Variants in ZNF471 observed in about 807,000 individuals in gnomAD.
ZNF471 encodes EZFIT-related protein 1.
Under a neutral mutation model 13.7 loss-of-function variants are expected in ZNF471, and 7 were observed. That is an observed-to-expected ratio of 0.51 (90% CI 0.29 to 0.96). ZNF471 has a LOEUF of 0.96. ZNF471 is among the 40% of genes least tolerant of loss of function. The probability of loss-of-function intolerance (pLI) is 0.08; values close to 1 mark genes in which losing one functional copy is unlikely to be tolerated. For synonymous variants in ZNF471, 218 were observed against 235.6 expected (o/e 0.93, Z 0.68); for missense variants, 663 against 743.3 (o/e 0.89, Z 1.26).
chr19:56,525,595 A>C lies in ZNF471; in HGVS notation c.1528A>C (p.Thr510Pro). ...SQLATHQRIHTGEKPYECIEC... is the reference protein window; with the variant it reads ...SQLATHQRIHPGEKPYECIEC... ...GCTGGCTACTCATCAGAGAATTCATACTGGAGAGAAGCCTTATGAATGTAT... is the reference window on the plus strand; with the variant it reads ...GCTGGCTACTCATCAGAGAATTCATCCTGGAGAGAAGCCTTATGAATGTAT... The change falls in exon 5 of 5, where the codon ACT becomes CCT. Residue 510 changes from threonine (T) to proline (P), a missense_variant. Physicochemically the swap from Thr to Pro is conservative, Grantham distance 38. Transcript: ENST00000308031. The C allele has an allele frequency of 6.2e-7, 1 of 1,614,044 alleles. No individual in the cohort carries two copies.
chr19:56,524,225 T>G lies in ZNF471; in HGVS notation c.257-99T>G. ...ACATGCCTGTACATAACAGGTTTTGTGAGATTTATTAAATATTTTTAAATT... is the reference window on the plus strand; with the variant it reads ...ACATGCCTGTACATAACAGGTTTTGGGAGATTTATTAAATATTTTTAAATT... On this transcript the variant is annotated intron_variant, in intron 4 of 4. Transcript: ENST00000308031. This position sits in a 1 kb window ranked among gnomAD's most constrained non-coding sequence, Gnocchi z 4.8. 2.2e-6 allele frequency: 2 copies of G among 893,630 alleles called. No individual in the cohort carries two copies. The highest frequency in any genetic ancestry group is 3.3e-6 in the Non-Finnish European group (2 of 608,228). The allele number at this position is 893,630 out of a possible 1,614,324, so 55.4% of individuals were successfully genotyped here.
chr19:56,525,106 G>A lies in ZNF471; in HGVS notation c.1039G>A (p.Glu347Lys), dbSNP rs762186663. The change falls in exon 5 of 5, where the codon GAA (glutamate) becomes AAA (lysine). Residue 347 changes from glutamate to lysine, a missense_variant. Coordinates refer to ENST00000308031, the MANE Select transcript of ZNF471 (RefSeq NM_020813.4). The part of the protein sequence containing the change: ...QRCHTGKRPY[E>K]CIECGKAFRY... ...ATGTCACACTGGCAAAAGACCCTAT[G>A]AATGTATTGAGTGTGGGAAGGCTTT... The A allele has an allele frequency of 3.8e-5, 61 of 1,614,112 alleles. 1 individual carries two copies. The highest frequency in any genetic ancestry group is 3.2e-4 in the Admixed American group (19 of 60,022).
At position 56,516,172 on chromosome 19, in the gene ZNF471, T is replaced by G; in HGVS notation, c.34-103T>G. ...GATCTTCCTATTTATGTTTTTTCTC[T>G]TCTATGAGTTATTTCTCACCTAAAG... is the stretch of plus-strand genomic sequence containing the variant. On this transcript the variant is annotated intron_variant, in intron 2 of 4. Transcript: ENST00000308031. The surrounding 1 kb of genome is among the most constrained non-coding windows in gnomAD (Gnocchi z 4.4). 1 of 1,209,966 alleles carries G rather than the reference T, an allele frequency of 8.3e-7. No individual in the cohort carries two copies. The highest frequency in any genetic ancestry group is 1.2e-6 in the Non-Finnish European group (1 of 851,774). 75.0% of individuals were successfully genotyped at this position (1,209,966 alleles called of 1,614,324 possible). A position where few individuals can be genotyped will look rare whatever the true frequency, so the allele number is the denominator to read the frequency against.
In ZNF471 at chr19:56,508,285, A is replaced by G. The variant is rs973128979; in HGVS notation, c.-56+365A>G. 2.1e-4 allele frequency: 154 copies of G among 722,126 alleles called. No individual in the cohort carries two copies. Among genetic ancestry groups the G allele is most frequent in the Admixed American group, 9.0e-4 (14 of 15,604 alleles). The allele number at this position is 722,126 out of a possible 1,614,324, so 44.7% of individuals were successfully genotyped here. On this transcript the variant is annotated intron_variant, in intron 1 of 4. Transcript: ENST00000308031. The surrounding 1 kb of genome is among the most constrained non-coding windows in gnomAD (Gnocchi z 4.7). Reference sequence around the variant, plus strand: ...CGAGAGTCCAGTGTGAGACCAGGGTATGTTCGTGTGTGACAGAGCGAGACG... The same window carrying G: ...CGAGAGTCCAGTGTGAGACCAGGGTGTGTTCGTGTGTGACAGAGCGAGACG...
chr19:56,508,118 C>CGGGGCGGCTT lies in ZNF471; in HGVS notation c.-56+207_-56+216dup, dbSNP rs1308125085. Reference sequence around the variant, plus strand: ...CCGCGGCTCGGGGCTGCTGGGCGTTCGGGGCGGCTTGGGGCGGCGGGACCA... The same window carrying CGGGGCGGCTT: ...CCGCGGCTCGGGGCTGCTGGGCGTTCGGGGCGGCTTGGGGCGGCTTGGGGCGGCGGGACCA... On this transcript the variant is annotated intron_variant, in intron 1 of 4. Coordinates refer to ENST00000308031, the MANE Select transcript of ZNF471 (RefSeq NM_020813.4). The surrounding 1 kb of genome is among the most constrained non-coding windows in gnomAD (Gnocchi z 4.7). 1.1e-5 allele frequency: 11 copies of CGGGGCGGCTT among 985,198 alleles called. No individual in the cohort carries two copies. Among genetic ancestry groups the CGGGGCGGCTT allele is most frequent in the East Asian group, 1.1e-4 (1 of 8,814 alleles). 61.0% of individuals were successfully genotyped at this position (985,198 alleles called of 1,614,324 possible). A position where few individuals can be genotyped will look rare whatever the true frequency, so the allele number is the denominator to read the frequency against.
At chr19:56,511,088 T>TTA in intron 1 of ZNF471, 1 of 951,096 alleles carries the variant, frequency 1.1e-6, no homozygotes, top group Non-Finnish European at 1.2e-6. Flanking sequence ...ATTTTCCTTT[T>TTA]TCTTTTGTTT....
intron 2 of ZNF471, among the ~76,000 whole-genome samples, chr19:56,514,453 C>T (rs1404653167): frequency 6.6e-6 from 1 of 152,086 alleles, no homozygotes; most frequent in African/African-American, 2.4e-5. Flanking sequence ...ATTTAATAGT[C>T]ATATTTCCTA....
Position 56,525,856 on chromosome 19 carries a change from A to C in ZNF471, c.1789A>C (p.Arg597=). The C allele has an allele frequency of 6.2e-7, 1 of 1,608,724 alleles. No homozygotes were observed. The highest frequency in any genetic ancestry group is 8.5e-7 in the Non-Finnish European group (1 of 1,178,602). ...AQHQRLHTGQ[R]PYQCFECGKA... ...GCATCAAAGACTCCACACTGGCCAA[A>C]GGCCCTATCAGTGTTTTGAATGTGG... Residue 597 remains arginine, a synonymous_variant, in exon 5 of 5, where the codon AGG becomes CGG. Coordinates refer to ENST00000308031, the MANE Select transcript of ZNF471 (RefSeq NM_020813.4).
In ZNF471 at chr19:56,516,495, G is replaced by A; in HGVS notation, c.160+94G>A. Reference sequence around the variant, plus strand: ...GCTTTTATTATATGTAGGTCAGAATGGAATTTGGGAATGGAATCTGAGAAA... The same window carrying A: ...GCTTTTATTATATGTAGGTCAGAATAGAATTTGGGAATGGAATCTGAGAAA... On this transcript the variant is annotated intron_variant, in intron 3 of 4. Transcript: ENST00000308031. The surrounding 1 kb of genome is among the most constrained non-coding windows in gnomAD (Gnocchi z 4.4). The A allele has an allele frequency of 3.5e-6, 4 of 1,140,416 alleles. No individual in the cohort carries two copies. Among genetic ancestry groups the A allele is most frequent in the East Asian group, 2.6e-5 (1 of 37,960 alleles). 70.6% of individuals were successfully genotyped at this position (1,140,416 alleles called of 1,614,324 possible). A position where few individuals can be genotyped will look rare whatever the true frequency, so the allele number is the denominator to read the frequency against.
Position 56,524,594 on chromosome 19 carries a change from G to T in ZNF471, c.527G>T (p.Ser176Ile). The T allele has an allele frequency of 6.3e-7, 1 of 1,590,264 alleles. No homozygotes were observed. The highest frequency in any genetic ancestry group is 2.2e-5 in the East Asian group (1 of 44,510). Residue 176 changes from serine (S) to isoleucine (I), a missense_variant, in exon 5 of 5, where the codon AGT (serine) becomes ATT (isoleucine). Transcript: ENST00000308031. The surrounding 1 kb of genome is among the most constrained non-coding windows in gnomAD (Gnocchi z 4.8). ...ATCCATCTGGAAAACATAGAAGAGAGTATTTATAATCACACATCAGATAAA... is the reference window on the plus strand; with the variant it reads ...ATCCATCTGGAAAACATAGAAGAGATTATTTATAATCACACATCAGATAAA... ...KCIHLENIEE[S>I]IYNHTSDKKS... is the part of the protein sequence containing the mutation.
Position 56,522,820 on chromosome 19 carries a change from T to A in ZNF471, c.257-1504T>A, listed in dbSNP as rs987929002. ...GGCACAGTCTTGGCTCACTGCAACCTATGCCTCCTGGGTTCAAGCAATTTT... is the reference window on the plus strand; with the variant it reads ...GGCACAGTCTTGGCTCACTGCAACCAATGCCTCCTGGGTTCAAGCAATTTT... On this transcript the variant is annotated intron_variant, in intron 4 of 4. Transcript: ENST00000308031. The surrounding 1 kb of genome is among the most constrained non-coding windows in gnomAD (Gnocchi z 4.1). Among the ~76,000 whole-genome samples, 9 of 151,926 alleles carry A rather than the reference T, an allele frequency of 5.9e-5. No homozygotes were observed. The highest frequency in any genetic ancestry group is 1.9e-4 in the African/African-American group (8 of 41,378).
chr19:56,510,565 AGGCAAT>A lies in ZNF471; in HGVS notation c.-55-949_-55-944del. 1.0e-6 allele frequency: 1 copy of A among 985,714 alleles called. No homozygotes were observed. 61.1% of individuals were successfully genotyped at this position (985,714 alleles called of 1,614,324 possible). On this transcript the variant is annotated intron_variant, in intron 1 of 4. Coordinates refer to ENST00000308031, the MANE Select transcript of ZNF471 (RefSeq NM_020813.4). The surrounding 1 kb of genome is among the most constrained non-coding windows in gnomAD (Gnocchi z 4.3). ...CACGTGTGCTTATATTCATGTCCTC[AGGCAAT>A]GGAAATGTGACTGTGTATATGTGCT...
chr19:56,522,946 G>C lies in ZNF471; in HGVS notation c.257-1378G>C, dbSNP rs1288862707. On this transcript the variant is annotated intron_variant, in intron 4 of 4. Transcript: ENST00000308031. The surrounding 1 kb of genome is among the most constrained non-coding windows in gnomAD (Gnocchi z 4.1). The stretch of plus-strand genomic sequence containing the variant: ...AGACAGGGTTACACCACATTGGCCA[G>C]GCTGGTCTCTAACTTCTGACCTCAG... Among the ~76,000 whole-genome samples, 3 of 152,062 alleles carry C rather than the reference G, an allele frequency of 2.0e-5. No individual in the cohort carries two copies. The highest frequency in any genetic ancestry group is 2.9e-5 in the Non-Finnish European group (2 of 67,990).
intron 2 of ZNF471, among the ~76,000 whole-genome samples, chr19:56,515,945 G>T (rs1356488979): frequency 6.6e-6 from 1 of 152,096 alleles, no homozygotes; most frequent in Non-Finnish European, 1.5e-5. Flanking sequence ...AATAAAACTT[G>T]GATCCCATGG....
In ZNF471 at chr19:56,524,625, C is replaced by T; in HGVS notation, c.558C>T (p.Ser186=). Residue 186 remains serine, a synonymous_variant, in exon 5 of 5, where the codon AGC becomes AGT. Coordinates refer to ENST00000308031, the MANE Select transcript of ZNF471 (RefSeq NM_020813.4). This position sits in a 1 kb window ranked among gnomAD's most constrained non-coding sequence, Gnocchi z 4.8. Reference sequence around the variant, plus strand: ...ATAATCACACATCAGATAAAAAAAGCTTCTCCAAAAATTCTATGGTAATAA... The same window carrying T: ...ATAATCACACATCAGATAAAAAAAGTTTCTCCAAAAATTCTATGGTAATAA... The part of the protein sequence containing the change: ...SIYNHTSDKK[S]FSKNSMVIKH... 6.3e-7 allele frequency: 1 copy of T among 1,586,626 alleles called. No individual in the cohort carries two copies. Among genetic ancestry groups the T allele is most frequent in the Non-Finnish European group, 8.5e-7 (1 of 1,173,086 alleles).
At chr19:56,509,862 T>G (rs1040258901) in intron 1 of ZNF471, 1 of 985,072 alleles carries the variant, frequency 1.0e-6, no homozygotes, top group African/African-American at 1.8e-5. Context: ...AGGGACTGGA[T>G]TGTGAGAATC....
rs1464923702 is a variant in ZNF471 at position 56,524,425 on chromosome 19, A to T, written c.358A>T (p.Thr120Ser). The T allele has an allele frequency of 6.2e-7, 1 of 1,613,862 alleles. No individual in the cohort carries two copies. Among genetic ancestry groups the T allele is most frequent in the Non-Finnish European group, 8.5e-7 (1 of 1,179,952 alleles). ...TACTAGCTATGGACTTGAGTGTTCC[A>T]CTTTTGAAGAAAATTGGAAATGGGA... ...GITSYGLECS[T>S]FEENWKWEDL... Residue 120 changes from threonine to serine, a missense_variant, in exon 5 of 5, where the codon ACT (threonine) becomes TCT (serine). Physicochemically the swap from Thr to Ser is moderately conservative, Grantham distance 58 (BLOSUM62 1). Coordinates refer to ENST00000308031, the MANE Select transcript of ZNF471 (RefSeq NM_020813.4). This position sits in a 1 kb window ranked among gnomAD's most constrained non-coding sequence, Gnocchi z 4.8.
chr19:56,511,721 TTC>T (rs1428231389), intron 2 of ZNF471, 117 bp downstream of exon 2: 3 of 803,316 alleles, frequency 3.7e-6, no homozygotes, highest in Non-Finnish European at 6.3e-6. Flanking sequence ...TAGTTCCCAC[TTC>T]TCTCAGGGGC....
Position 56,518,288 on chromosome 19 carries a change from A to G in ZNF471, c.161-194A>G, listed in dbSNP as rs1484633761. Among the ~76,000 whole-genome samples, 9 of 152,200 alleles carry G rather than the reference A, an allele frequency of 5.9e-5. No homozygotes were observed. The South Asian group carries it at 1.5e-3, about 25-fold the overall frequency. On this transcript the variant is annotated intron_variant, in intron 3 of 4. Coordinates refer to ENST00000308031, the MANE Select transcript of ZNF471 (RefSeq NM_020813.4). ...AAATTTCTGCCCTCAAGCCCCTCAT[A>G]AAATAGTTCACAGAGTTAACTGTTA...
Sources: gnomAD v4.1 joint callset for allele counts (sites outside exome capture counted in the v4.1 genomes callset) on GRCh38, gnomAD v4.1.1 for gene constraint, Gnocchi (gnomAD v3.1) non-coding constraint, MANE v1.5 for transcripts, NCBI Gene and HGNC (gene_info 2026-07-23, HGNC 2026-07-21) for gene names.